DIPK2B: variants seen among roughly 807,000 people sequenced by gnomAD.
DIPK2B encodes UPF0672 protein CXorf36.
DIPK2B carries 15 observed loss-of-function variants against 22.2 expected under a neutral mutation model. The ratio of observed to expected loss-of-function variants is 0.68; its 90% CI spans 0.45 to 1.04. The LOEUF (loss-of-function observed/expected upper bound fraction) is 1.04, where lower values mean the gene tolerates loss of function less well. Among genes scored for constraint, DIPK2B ranks in the 50% least tolerant of loss-of-function variants. The pLI is 0.00. For missense variants in DIPK2B, 345 were observed against 348.3 expected, an observed-to-expected ratio of 0.99 and a Z score of 0.08; for synonymous variants, 163 against 153.2, an observed-to-expected ratio of 1.06 and a Z score of -0.47.
At chrX:45,164,605 G>A (rs185650525) in intron 2 of DIPK2B, among the ~76,000 whole-genome samples, 212 of 111,431 alleles carry the variant, frequency 1.9e-3, no homozygotes, top group Non-Finnish European at 2.9e-3. Flanking sequence ...ATGGGCCAGG[G>A]GCCTGTTGGG....
chrX:45,191,616 G>A (rs1198061124), intron 2 of DIPK2B, 135 bp downstream of exon 2: 5 of 770,632 alleles, frequency 6.5e-6, no homozygotes, highest in Non-Finnish European at 9.3e-6. Context: ...ACTGTTTTAT[G>A]ACAGTGTTTT....
chrX:45,176,028 G>A (rs903141141), intron 2 of DIPK2B, among the ~76,000 whole-genome samples: 5 of 109,817 alleles, frequency 4.6e-5, no homozygotes, highest in African/African-American at 1.7e-4. Context: ...TTCTCTGTAC[G>A]TAGCCAGGAG....
At chrX:45,161,855 C>T (rs2047024125) in intron 2 of DIPK2B, among the ~76,000 whole-genome samples, 1 of 111,859 alleles carries the variant, frequency 8.9e-6, no homozygotes, top group Non-Finnish European at 1.9e-5. Flanking sequence ...GATTTTAAAA[C>T]ACGTTTGTAA....
intron 2 of DIPK2B, among the ~76,000 whole-genome samples, chrX:45,181,872 GA>G (rs2047155397): frequency 9.0e-6 from 1 of 111,087 alleles, no homozygotes; most frequent in South Asian, 3.8e-4. Context: ...TTCATCAAAA[GA>G]AACAATTATG....
chrX:45,189,057 T>C (rs2047197667), intron 2 of DIPK2B, among the ~76,000 whole-genome samples: 1 of 112,215 alleles, frequency 8.9e-6, no homozygotes, highest in African/African-American at 3.2e-5. Flanking sequence ...AGCATTCATA[T>C]ACAAGTTTTT....
In DIPK2B at chrX:45,150,871, C is replaced by G. The variant is rs1356231512; in HGVS notation, c.*781G>C. On this transcript the variant is annotated 3_prime_UTR_variant, in exon 5 of 5. Transcript: ENST00000398000. ...GGCTCCCTCCTTCTTTCCTTACACA[C>G]AATCATTTCCCCTAACAAATCTTTG... is the stretch of plus-strand genomic sequence containing the variant. 1 of 111,772 alleles carries G rather than the reference C, an allele frequency of 8.9e-6. No homozygotes were observed. The highest frequency in any genetic ancestry group is 1.9e-5 in the Non-Finnish European group (1 of 53,133). 9.2% of individuals were successfully genotyped at this position (111,772 alleles called of 1,213,427 possible). A position where few individuals can be genotyped will look rare whatever the true frequency, so the allele number is the denominator to read the frequency against.
At chrX:45,163,697 T>C in intron 2 of DIPK2B, 1 of 755,248 alleles carries the variant, frequency 1.3e-6, no homozygotes, top group East Asian at 1.5e-4. Context: ...TATGCTTTTT[T>C]TTCCCTCTAG....
At chrX:45,188,780 C>T (rs1384773778) in intron 2 of DIPK2B, among the ~76,000 whole-genome samples, 3 of 111,607 alleles carry the variant, frequency 2.7e-5, no homozygotes. Context: ...CCACTGATTT[C>T]CTCTCTGTCT....
chrX:45,165,273 CAGAA>C (rs1467441940), intron 2 of DIPK2B, among the ~76,000 whole-genome samples: 1 of 111,681 alleles, frequency 9.0e-6, no homozygotes, highest in Non-Finnish European at 1.9e-5. Flanking sequence ...CATCTTTCCC[CAGAA>C]GGTTTGGCTG....
rs773793113 is a variant in DIPK2B, at chrX:45,149,121, C to T, written c.*2531G>A. On this transcript the variant is annotated 3_prime_UTR_variant, in exon 5 of 5. Transcript: ENST00000398000. ...TTACCTCAGACCACATGCTGACCCA[C>T]GCAGGGCCAAAGTCGCTCATTGTGT... 2 of 112,787 alleles carry T rather than the reference C, an allele frequency of 1.8e-5. No individual in the cohort carries two copies. The highest frequency in any genetic ancestry group is 3.7e-4 in the South Asian group (1 of 2,722). 9.3% of individuals were successfully genotyped at this position (112,787 alleles called of 1,213,427 possible).
chrX:45,200,491 C>T, intron 1 of DIPK2B, 103 bp downstream of exon 1: 1 of 771,454 alleles, frequency 1.3e-6, no homozygotes, highest in South Asian at 2.6e-5. Context: ...GTTTCAGCTC[C>T]CACCCATATT....
chrX:45,187,718 C>T (rs1326469027), intron 2 of DIPK2B, among the ~76,000 whole-genome samples: 1 of 111,603 alleles, frequency 9.0e-6, no homozygotes, highest in Non-Finnish European at 1.9e-5. Context: ...TATTCATAAG[C>T]AGGGCTGACA....
chrX:45,157,681 C>T (rs973599510), intron 3 of DIPK2B, 34 bp downstream of exon 3: 63 of 1,155,478 alleles, frequency 5.5e-5, no homozygotes, highest in Non-Finnish European at 7.0e-5. Flanking sequence ...AAGATTGACC[C>T]CCAACCTAGA....
rs1214374527 is a variant in DIPK2B, at chrX:45,196,116, T to C, written c.234-4101A>G. On this transcript the variant is annotated intron_variant, in intron 1 of 4. Transcript: ENST00000398000. ...CCTCTTTTAACTTTGTAACTCAGTG[T>C]TCAGCAGAGTACCAAGTTAGTGCTC... is the stretch of plus-strand genomic sequence containing the variant. 4.4e-5 allele frequency among the ~76,000 whole-genome samples: 5 copies of C among 112,625 alleles called. No homozygotes were observed. In the Admixed American group the frequency reaches 4.7e-4, roughly 11 times the overall value.
At chrX:45,163,291 C>A (rs1035805320) in intron 2 of DIPK2B, 1 of 555,428 alleles carries the variant, frequency 1.8e-6, no homozygotes, top group African/African-American at 2.5e-5. Context: ...CCAATCCCCA[C>A]AATCATGTAA....
chrX:45,192,314 C>T (rs916068663), intron 1 of DIPK2B, among the ~76,000 whole-genome samples: 3 of 111,793 alleles, frequency 2.7e-5, no homozygotes, highest in Non-Finnish European at 3.8e-5. Context: ...AAGATAGCAG[C>T]TTTACATACA....
chrX:45,198,770 C>T lies in DIPK2B; in HGVS notation c.233+1824G>A, dbSNP rs769056304. Reference sequence around the variant, plus strand: ...GAATCAGCATTGCTTCACCTGTGTTCTTGGTCCTCTTTATCTCTTTTCCTA... The same window carrying T: ...GAATCAGCATTGCTTCACCTGTGTTTTTGGTCCTCTTTATCTCTTTTCCTA... On this transcript the variant is annotated intron_variant, in intron 1 of 4. Transcript: ENST00000398000. 1.3e-4 allele frequency among the ~76,000 whole-genome samples: 14 copies of T among 111,727 alleles called. No individual in the cohort carries two copies. In the South Asian group the frequency reaches 1.9e-3, roughly 15 times the overall value.
In DIPK2B at chrX:45,151,127, G is replaced by A. The variant is rs41297332; in HGVS notation, c.*525C>T. 0.13 allele frequency: 15,027 copies of A among 112,557 alleles called. 814 individuals are homozygous for A. The highest frequency in any genetic ancestry group is 0.15 in the Non-Finnish European group (8,424 of 54,362). The allele number at this position is 112,557 out of a possible 1,213,427, so 9.3% of individuals were successfully genotyped here. On this transcript the variant is annotated 3_prime_UTR_variant, in exon 5 of 5. Coordinates refer to ENST00000398000, the MANE Select transcript of DIPK2B (RefSeq NM_176819.4). Reference sequence around the variant, plus strand: ...TGTGGGGAGTGACGCAGGGCCATAGGGAGCAGGAAGGGGGCCCCTCTTGTC... The same window carrying A: ...TGTGGGGAGTGACGCAGGGCCATAGAGAGCAGGAAGGGGGCCCCTCTTGTC...
At chrX:45,172,609 G>C (rs1377139795) in intron 2 of DIPK2B, among the ~76,000 whole-genome samples, 1 of 111,264 alleles carries the variant, frequency 9.0e-6, no homozygotes, top group Non-Finnish European at 1.9e-5. Flanking sequence ...CTGGAACCTT[G>C]TCACTGAAGC....
Sources: allele counts gnomAD v4.1 joint callset (sites outside exome capture counted in the v4.1 genomes callset), GRCh38; gene constraint gnomAD v4.1.1; transcripts MANE v1.5; gene names NCBI Gene and HGNC (gene_info 2026-07-23, HGNC 2026-07-21).